Variants in TRPC3 observed in about 807,000 individuals in gnomAD.
TRPC3 encodes the protein short transient receptor potential channel 3.
Under a neutral mutation model 90.9 loss-of-function variants are expected in TRPC3, and 54 were observed. That is an observed-to-expected ratio of 0.59 (90% CI 0.48 to 0.75). The LOEUF (loss-of-function observed/expected upper bound fraction) is 0.75, where lower values mean the gene tolerates loss of function less well. Among genes scored for constraint, TRPC3 ranks in the 30% least tolerant of loss-of-function variants. TRPC3 has a pLI of 0.00. For missense variants in TRPC3, 918 were observed against 1,194.5 expected, an observed-to-expected ratio of 0.77 and a Z score of 3.41; for synonymous variants, 424 against 450.9, an observed-to-expected ratio of 0.94 and a Z score of 0.75.
intron 1 of TRPC3, among the ~76,000 whole-genome samples, chr4:121,943,467 C>T (rs892007880): frequency 1.3e-5 from 2 of 152,026 alleles, no homozygotes; most frequent in African/African-American, 4.8e-5. Flanking sequence ...TAGAGGCAAA[C>T]AGGAGATAAA....
chr4:121,922,967 T>G (rs978788382), intron 3 of TRPC3, among the ~76,000 whole-genome samples: 3 of 152,206 alleles, frequency 2.0e-5, no homozygotes, highest in Admixed American at 6.5e-5. Context: ...AGAGAAGAGA[T>G]CTGCCATTAA....
At chr4:121,892,343 G>A (rs1378547430) in intron 10 of TRPC3, among the ~76,000 whole-genome samples, 1 of 152,150 alleles carries the variant, frequency 6.6e-6, no homozygotes, top group Non-Finnish European at 1.5e-5. Flanking sequence ...AGGCTCCATT[G>A]CAGATAGGTG....
intron 10 of TRPC3, among the ~76,000 whole-genome samples, chr4:121,883,804 CA>C (rs1728020362): frequency 6.6e-6 from 1 of 152,122 alleles, no homozygotes; most frequent in African/African-American, 2.4e-5. Context: ...CTCCTGGGCT[CA>C]ACGCTGTCCT....
intron 7 of TRPC3, 90 bp downstream of exon 7, chr4:121,907,213 T>C: frequency 8.1e-7 from 1 of 1,235,226 alleles, no homozygotes; most frequent in Non-Finnish European, 1.1e-6. Flanking sequence ...AAAACATCTT[T>C]ATTACAATCA....
intron 3 of TRPC3, among the ~76,000 whole-genome samples, chr4:121,918,525 A>G (rs1729398065): frequency 6.6e-6 from 1 of 152,298 alleles, no homozygotes; most frequent in Non-Finnish European, 1.5e-5. Flanking sequence ...CCCATATGGC[A>G]TATATGTGAT....
intron 10 of TRPC3, among the ~76,000 whole-genome samples, chr4:121,895,705 C>CA (rs1035447125): frequency 1.3e-5 from 2 of 151,738 alleles, no homozygotes; most frequent in Non-Finnish European, 2.9e-5. Context: ...AAACATCTCC[C>CA]AAAAAAATAA....
rs1289501967 is a variant in TRPC3 at position 121,878,825 on chromosome 4, T to G, written c.*911A>C. Among the ~76,000 whole-genome samples the G allele has an allele frequency of 6.6e-6, 1 of 152,142 alleles. No individual in the cohort carries two copies. The highest frequency in any genetic ancestry group is 2.4e-5 in the African/African-American group (1 of 41,434). On this transcript the variant is annotated 3_prime_UTR_variant, in exon 12 of 12. Transcript: ENST00000379645. Reference sequence around the variant, plus strand: ...CACTGCTCTTTCCTATTTCTTCCCATGAGCAGACCCTCCAAAACTCAGCAG... The same window carrying G: ...CACTGCTCTTTCCTATTTCTTCCCAGGAGCAGACCCTCCAAAACTCAGCAG...
In TRPC3 at chr4:121,876,949, G is replaced by A. The variant is rs1358047605; in HGVS notation, c.*2787C>T. Among the ~76,000 whole-genome samples, 1 of 152,098 alleles carries A rather than the reference G, an allele frequency of 6.6e-6. No individual in the cohort carries two copies. Among genetic ancestry groups the A allele is most frequent in the Non-Finnish European group, 1.5e-5 (1 of 68,018 alleles). On this transcript the variant is annotated 3_prime_UTR_variant, in exon 12 of 12. Coordinates refer to ENST00000379645, the MANE Select transcript of TRPC3 (RefSeq NM_001130698.2). ...ATGTCCTAAGGAAAAAAGAGTCCTG[G>A]GGCTTTGACAATCCTTTAATTAATG...
intron 11 of TRPC3, among the ~76,000 whole-genome samples, chr4:121,882,022 C>T (rs1727960327): frequency 6.6e-6 from 1 of 152,064 alleles, no homozygotes. Flanking sequence ...AAAATGTTAA[C>T]ACTAATGTGA....
chr4:121,930,653 G>T, intron 2 of TRPC3: 2 of 261,644 alleles, frequency 7.6e-6, no homozygotes, highest in Non-Finnish European at 1.5e-5. Context: ...TATATATCAA[G>T]AAAAATGTGT....
chr4:121,875,109 T>A lies in TRPC3; in HGVS notation c.*4627A>T, dbSNP rs1727728633. Among the ~76,000 whole-genome samples the A allele has an allele frequency of 6.9e-6, 1 of 144,342 alleles. No homozygotes were observed. Among genetic ancestry groups the A allele is most frequent in the Non-Finnish European group, 1.5e-5 (1 of 66,698 alleles). 94.7% of individuals were successfully genotyped at this position (144,342 alleles called of 152,430 possible). A position where few individuals can be genotyped will look rare whatever the true frequency, so the allele number is the denominator to read the frequency against. On this transcript the variant is annotated 3_prime_UTR_variant, in exon 12 of 12. Transcript: ENST00000379645. ...TTCATACAAATTAATAATGAAGAAATACTATGGTTCTAATAAATAGGTAAA... is the reference window on the plus strand; with the variant it reads ...TTCATACAAATTAATAATGAAGAAAAACTATGGTTCTAATAAATAGGTAAA...
At chr4:121,896,525 T>A (rs1456086692) in intron 10 of TRPC3, among the ~76,000 whole-genome samples, 2 of 151,558 alleles carry the variant, frequency 1.3e-5, no homozygotes, top group East Asian at 3.9e-4. Flanking sequence ...AACAACAAAC[T>A]ACTTGAAAAA....
intron 7 of TRPC3, 55 bp downstream of exon 7, chr4:121,907,248 T>C (rs535357089): frequency 6.7e-7 from 1 of 1,494,866 alleles, no homozygotes; most frequent in South Asian, 1.3e-5. Flanking sequence ...TTGCTTCCTC[T>C]AGATTGGTTA....
At chr4:121,901,628 T>C (rs1260679772) in intron 9 of TRPC3, among the ~76,000 whole-genome samples, 1 of 152,206 alleles carries the variant, frequency 6.6e-6, no homozygotes, top group Non-Finnish European at 1.5e-5. Flanking sequence ...GGCACTGATA[T>C]TTGTTGAGGC....
chr4:121,918,163 T>C (rs1729383023), intron 3 of TRPC3, among the ~76,000 whole-genome samples: 1 of 152,214 alleles, frequency 6.6e-6, no homozygotes. Context: ...TCTTCTGCCA[T>C]GTGAGGACGT....
chr4:121,949,131 A>G (rs930427995), intron 1 of TRPC3, among the ~76,000 whole-genome samples: 2 of 152,196 alleles, frequency 1.3e-5, no homozygotes, highest in Admixed American at 1.3e-4. Flanking sequence ...TAACTGAAAC[A>G]TTTTTAAAAA....
rs1728755670 is a variant in TRPC3, at chr4:121,903,019, A to G, written c.2296T>C (p.Trp766Arg). 1.2e-6 allele frequency: 2 copies of G among 1,613,310 alleles called. No homozygotes were observed. The highest frequency in any genetic ancestry group is 1.7e-6 in the Non-Finnish European group (2 of 1,179,718). Residue 766 changes from tryptophan (W) to arginine (R), a missense_variant, in exon 9 of 12, where the codon TGG becomes CGG. Trp to Arg is a moderately radical substitution (Grantham distance 101). Transcript: ENST00000379645. ...TTTCCATCATCAAAATAGGATAACCAAAGTTTTGAACGAGCAAACTTCCAT... is the reference window on the plus strand; with the variant it reads ...TTTCCATCATCAAAATAGGATAACCGAAGTTTTGAACGAGCAAACTTCCAT... ...VEWKFARSKL[W>R]LSYFDDGKTL...
intron 10 of TRPC3, among the ~76,000 whole-genome samples, chr4:121,898,267 AG>A (rs1728585802): frequency 6.6e-6 from 1 of 152,192 alleles, no homozygotes; most frequent in South Asian, 2.1e-4. Flanking sequence ...CCCAACCCGC[AG>A]ATGAAGGACT....
chr4:121,910,089 C>T lies in TRPC3; in HGVS notation c.1792+65G>A. On this transcript the variant is annotated intron_variant, in intron 6 of 11. Transcript: ENST00000379645. ...ACTAAACATACTCCAATTGGCATTT[C>T]CTTCCAAAATGTGGTTCCAATACCT... 2.3e-6 allele frequency: 3 copies of T among 1,284,552 alleles called. No homozygotes were observed. The Admixed American group carries it at 5.3e-5, about 23-fold the overall frequency. The allele number at this position is 1,284,552 out of a possible 1,614,324, so 79.6% of individuals were successfully genotyped here.
Sources: gnomAD v4.1 joint callset for allele counts (sites outside exome capture counted in the v4.1 genomes callset) on GRCh38, gnomAD v4.1.1 for gene constraint, MANE v1.5 for transcripts, NCBI Gene and HGNC (gene_info 2026-07-23, HGNC 2026-07-21) for gene names.